OR4E2: variants seen among roughly 807,000 people sequenced by gnomAD.
OR4E2 encodes olfactory receptor 4E2.
In OR4E2, 9 loss-of-function variants were observed where a neutral mutation model predicts 11.0. The ratio of observed to expected loss-of-function variants is 0.82; its 90% CI spans 0.49 to 1.43. OR4E2 has a LOEUF of 1.43. OR4E2 is among the 40% of genes most tolerant of loss of function. OR4E2 has a pLI of 0.00. For synonymous variants in OR4E2, 159 were observed against 147.3 expected (o/e 1.08, Z -0.57); for missense variants, 441 against 382.0 (o/e 1.15, Z -1.29).
In OR4E2 at chr14:21,665,849, T is replaced by G; in HGVS notation, c.767T>G (p.Phe256Cys). The change falls in exon 4 of 4, where the codon TTC becomes TGC. Residue 256 changes from phenylalanine (F) to cysteine (C), a missense_variant. Coordinates refer to ENST00000641524, the MANE Select transcript of OR4E2 (RefSeq NM_001001912.3). The part of the protein sequence containing the change: ...VVALFFGPCI[F>C]IYTRPDTSFS... Reference sequence around the variant, plus strand: ...GCCCTCTTCTTTGGGCCATGTATCTTCATCTATACTCGGCCAGACACCAGC... The same window carrying G: ...GCCCTCTTCTTTGGGCCATGTATCTGCATCTATACTCGGCCAGACACCAGC... The G allele has an allele frequency of 1.2e-6, 2 of 1,610,244 alleles. No individual in the cohort carries two copies.
At chr14:21,657,435 CTTTCT>C (rs1880040516) in intron 2 of OR4E2, among the ~76,000 whole-genome samples, 7 of 91,890 alleles carry the variant, frequency 7.6e-5, no homozygotes, top group African/African-American at 3.1e-4. Context: ...TTTCTTTCTT[CTTTCT>C]TTCCTTCCTT....
chr14:21,665,587 T>G lies in OR4E2; in HGVS notation c.505T>G (p.Cys169Gly). 6.2e-7 allele frequency: 1 copy of G among 1,614,176 alleles called. No homozygotes were observed. ...QTFLTIRLPY[C>G]GPNIIDSYFC... ...CTTCTTGACTATTCGTCTACCTTAC[T>G]GTGGCCCCAACATTATTGACAGCTA... is the stretch of plus-strand genomic sequence containing the variant. Residue 169 changes from cysteine to glycine, a missense_variant, in exon 4 of 4, where the codon TGT becomes GGT. Cys to Gly is a radical substitution (Grantham distance 159). Transcript: ENST00000641524.
At chr14:21,657,536 TC>T (rs1880071267) in intron 2 of OR4E2, among the ~76,000 whole-genome samples, 1 of 147,248 alleles carries the variant, frequency 6.8e-6, no homozygotes, top group Non-Finnish European at 1.5e-5. Context: ...TTTCTTTCTT[TC>T]TTTCTTTTTC....
chr14:21,665,460 C>A lies in OR4E2; in HGVS notation c.378C>A (p.Ile126=), dbSNP rs774579395. The A allele has an allele frequency of 1.9e-6, 3 of 1,614,074 alleles. No homozygotes were observed. The East Asian group carries it at 6.7e-5, about 36-fold the overall frequency. ...IIMAYDRYVA[I]CTPLHYPNVM... is the part of the protein sequence containing the mutation. ...TGGCGTATGATCGTTACGTGGCTAT[C>A]TGCACTCCACTCCACTACCCCAATG... is the stretch of plus-strand genomic sequence containing the variant. The change falls in exon 4 of 4, where the codon ATC becomes ATA. Residue 126 remains isoleucine, a synonymous_variant. Coordinates refer to ENST00000641524, the MANE Select transcript of OR4E2 (RefSeq NM_001001912.3).
At chr14:21,658,962 A>G (rs76813098) in intron 2 of OR4E2, among the ~76,000 whole-genome samples, 1,620 of 152,260 alleles carry the variant, frequency 0.011, 20 homozygotes, top group Non-Finnish European at 0.018. Context: ...TGATGTACAG[A>G]TCAACTTACC....
At chr14:21,656,090 C>T (rs994060674) in intron 1 of OR4E2, among the ~76,000 whole-genome samples, 1 of 151,382 alleles carries the variant, frequency 6.6e-6, no homozygotes, top group African/African-American at 2.4e-5. Context: ...CCAACCAGAG[C>T]AACATAGCGA....
intron 1 of OR4E2, among the ~76,000 whole-genome samples, chr14:21,654,467 A>G (rs55750218): frequency 0.26 from 39,950 of 151,452 alleles, 5,677 homozygotes; most frequent in Non-Finnish European, 0.33. Context: ...ACAGATGCAC[A>G]CACACACACA....
chr14:21,661,560 G>A (rs776184836), intron 3 of OR4E2, among the ~76,000 whole-genome samples: 5 of 152,230 alleles, frequency 3.3e-5, no homozygotes, highest in Non-Finnish European at 7.3e-5. Flanking sequence ...TATTAATAGT[G>A]CTGATGGGTC....
intron 2 of OR4E2, among the ~76,000 whole-genome samples, chr14:21,657,337 G>GCTTCCTTCCTTCCTTCCTTCCTTCCTTC (rs544921356): frequency 1.8e-5 from 2 of 112,398 alleles, no homozygotes; most frequent in South Asian, 3.4e-4. Flanking sequence ...GATGTTAAAT[G>GCTTCCTTCCTTCCTTCCTTCCTTCCTTC]CTTCCTTCCT....
intron 3 of OR4E2, among the ~76,000 whole-genome samples, chr14:21,664,629 C>T (rs1880526141): frequency 6.6e-6 from 1 of 152,072 alleles, no homozygotes; most frequent in African/African-American, 2.4e-5. Context: ...AAAGGACACT[C>T]ACATTGAAAA....
Position 21,665,804 on chromosome 14 carries a change from C to T in OR4E2, c.722C>T (p.Ser241Leu), listed in dbSNP as rs61732411. Reference protein sequence around the residue: ...EGRRKALSTCSAHFMVVALFF... With the variant: ...EGRRKALSTCLAHFMVVALFF... ...CGCCGGAAAGCCCTGTCTACCTGCTCGGCCCACTTCATGGTGGTTGCCCTC... is the reference window on the plus strand; with the variant it reads ...CGCCGGAAAGCCCTGTCTACCTGCTTGGCCCACTTCATGGTGGTTGCCCTC... The change falls in exon 4 of 4, where the codon TCG (serine) becomes TTG (leucine). Residue 241 changes from serine to leucine, a missense_variant. By Grantham distance (145) the Ser-to-Leu change is moderately radical. Transcript: ENST00000641524. The T allele has an allele frequency of 0.19, 307,586 of 1,613,356 alleles. 31,929 individuals carry two copies. The highest frequency in any genetic ancestry group is 0.25 in the African/African-American group (18,569 of 74,934).
In OR4E2 at chr14:21,665,423, T is replaced by C; in HGVS notation, c.341T>C (p.Leu114Pro). The C allele has an allele frequency of 6.2e-7, 1 of 1,614,104 alleles. No individual in the cohort carries two copies. The highest frequency in any genetic ancestry group is 1.3e-5 in the African/African-American group (1 of 75,048). ...CTCTTTGCCTGTGCCGAGATCTTTC[T>C]GCTGATCATTATGGCGTATGATCGT... is the stretch of plus-strand genomic sequence containing the variant. ...LHLFACAEIF[L>P]LIIMAYDRYV... Residue 114 changes from leucine to proline, a missense_variant, in exon 4 of 4, where the codon CTG becomes CCG. Transcript: ENST00000641524.
chr14:21,657,384 TCC>T (rs1491137180), intron 2 of OR4E2, among the ~76,000 whole-genome samples: 7 of 142,280 alleles, frequency 4.9e-5, no homozygotes, highest in South Asian at 2.2e-4. Context: ...CTTCCTTCCT[TCC>T]TTTCTTTCTT....
In OR4E2 at chr14:21,666,002, T is replaced by C; in HGVS notation, c.920T>C (p.Phe307Ser). The stretch of plus-strand genomic sequence containing the variant: ...AAGCAGCTCAGGCAGAGACAAGTTT[T>C]TTTCACGAAATCATATACATAATGG... ...AMKQLRQRQVFFTKSYT is the reference protein window; with the variant it reads ...AMKQLRQRQVSFTKSYT The change falls in exon 4 of 4, where the codon TTT becomes TCT. Residue 307 changes from phenylalanine (F) to serine (S), a missense_variant. Coordinates refer to ENST00000641524, the MANE Select transcript of OR4E2 (RefSeq NM_001001912.3). The C allele has an allele frequency of 6.2e-7, 1 of 1,613,602 alleles. No individual in the cohort carries two copies. Among genetic ancestry groups the C allele is most frequent in the Non-Finnish European group, 8.5e-7 (1 of 1,179,742 alleles).
At chr14:21,662,325 C>T (rs191750740) in intron 3 of OR4E2, among the ~76,000 whole-genome samples, 1 of 152,006 alleles carries the variant, frequency 6.6e-6, no homozygotes, top group East Asian at 1.9e-4. Context: ...CAGACGGAGT[C>T]TTGCTCTGTT....
chr14:21,655,663 A>C (rs1163441970), intron 1 of OR4E2, among the ~76,000 whole-genome samples: 1 of 152,108 alleles, frequency 6.6e-6, no homozygotes, highest in East Asian at 1.9e-4. Context: ...ACAGAGCAAG[A>C]CTCTGTCCCT....
chr14:21,659,649 C>A (rs532382057), intron 2 of OR4E2, among the ~76,000 whole-genome samples: 4 of 152,038 alleles, frequency 2.6e-5, no homozygotes, highest in Non-Finnish European at 5.9e-5. Flanking sequence ...AATCTTTAAG[C>A]TAGTAAACTC....
chr14:21,659,810 T>A (rs1410098349), intron 2 of OR4E2, among the ~76,000 whole-genome samples: 1 of 152,222 alleles, frequency 6.6e-6, no homozygotes, highest in Non-Finnish European at 1.5e-5. Context: ...CCTTTTAGAA[T>A]TTATATTCTA....
chr14:21,655,506 A>T (rs994014923), intron 1 of OR4E2, among the ~76,000 whole-genome samples: 1 of 152,042 alleles, frequency 6.6e-6, no homozygotes, highest in Non-Finnish European at 1.5e-5. Flanking sequence ...CTCTAAAAAA[A>T]TTCAAAACAC....
Sources: allele counts gnomAD v4.1 joint callset (sites outside exome capture counted in the v4.1 genomes callset), GRCh38; gene constraint gnomAD v4.1.1; transcripts MANE v1.5; gene names NCBI Gene and HGNC (gene_info 2026-07-23, HGNC 2026-07-21).